TLN2: variants seen among roughly 807,000 people sequenced by gnomAD.
The protein encoded by TLN2 is talin 2, also known as talin-2.
A neutral mutation model predicts 294.7 loss-of-function variants in TLN2; 118 were observed. That is an observed-to-expected ratio of 0.40 (90% CI 0.34 to 0.47). TLN2 has a LOEUF of 0.47. Among genes scored for constraint, TLN2 ranks in the 20% least tolerant of loss-of-function variants. TLN2 has a pLI of 0.84. For missense variants in TLN2, 3,083 were observed against 3,282.2 expected (o/e 0.94, Z 1.48); for synonymous variants, 1,431 against 1,304.5 (o/e 1.10, Z -2.09).
intron 8 of TLN2, among the ~76,000 whole-genome samples, chr15:62,657,550 G>A (rs558584954): frequency 1.4e-4 from 22 of 152,228 alleles, no homozygotes; most frequent in African/African-American, 5.3e-4. Flanking sequence ...CACCTCTAAT[G>A]TTTTCCATCT....
At chr15:62,791,880 A>T (rs1206762097) in intron 45 of TLN2, among the ~76,000 whole-genome samples, 2 of 152,232 alleles carry the variant, frequency 1.3e-5, no homozygotes. Context: ...GGAATTTGTT[A>T]CACCTTAAAG....
At chr15:62,430,765 G>C (rs1379247135) in intron 1 of TLN2, among the ~76,000 whole-genome samples, 1 of 152,032 alleles carries the variant, frequency 6.6e-6, no homozygotes, top group African/African-American at 2.4e-5. Flanking sequence ...ACAGTAAGAT[G>C]GTTAGAGGGA....
intron 1 of TLN2, among the ~76,000 whole-genome samples, chr15:62,587,971 C>G (rs549897754): frequency 1.4e-4 from 21 of 152,132 alleles, no homozygotes; most frequent in African/African-American, 5.1e-4. Context: ...AGCTCCGCCT[C>G]CCGGGTTCAC....
chr15:62,486,919 C>T (rs751853201), intron 1 of TLN2, among the ~76,000 whole-genome samples: 7 of 151,726 alleles, frequency 4.6e-5, no homozygotes, highest in Non-Finnish European at 8.8e-5. Flanking sequence ...ACAGAGAGCT[C>T]ATAGTGAGGA....
At chr15:62,619,141 A>G (rs939530907) in intron 3 of TLN2, among the ~76,000 whole-genome samples, 6 of 152,094 alleles carry the variant, frequency 3.9e-5, no homozygotes, top group African/African-American at 1.4e-4. Flanking sequence ...GTTTTTTCTC[A>G]AAACAGTATA....
chr15:62,835,823 C>T (rs2069479752), intron 56 of TLN2, 24 bp downstream of exon 56: 2 of 1,614,112 alleles, frequency 1.2e-6, no homozygotes, highest in Admixed American at 1.7e-5. Flanking sequence ...TCCTTCCTCC[C>T]AGTTTGCTTT....
chr15:62,665,752 G>A (rs922311754), intron 9 of TLN2, among the ~76,000 whole-genome samples: 5 of 152,172 alleles, frequency 3.3e-5, no homozygotes, highest in Non-Finnish European at 4.4e-5. Context: ...CCAGTAGGAG[G>A]TCTTAAGCCA....
intron 1 of TLN2, among the ~76,000 whole-genome samples, chr15:62,450,539 ATGTATGTATGTGTGTG>A (rs1359241222): frequency 9.7e-5 from 6 of 62,140 alleles, no homozygotes; most frequent in Admixed American, 2.3e-4. Context: ...GTATGTATGT[ATGTATGTATGTGTGTG>A]TGTGTGTGTG....
intron 45 of TLN2, among the ~76,000 whole-genome samples, chr15:62,788,098 G>T (rs1482712095): frequency 5.3e-5 from 8 of 150,112 alleles, no homozygotes; most frequent in Admixed American, 5.3e-4. Flanking sequence ...ATCACTTGAG[G>T]CCAGGAGTTC....
chr15:62,814,728 T>G (rs1404007229), intron 52 of TLN2, among the ~76,000 whole-genome samples: 1 of 152,134 alleles, frequency 6.6e-6, no homozygotes, highest in East Asian at 1.9e-4. Flanking sequence ...TGGTGAAAAA[T>G]TATAGAAACC....
At chr15:62,657,345 G>A (rs2053341148) in intron 8 of TLN2, among the ~76,000 whole-genome samples, 1 of 152,064 alleles carries the variant, frequency 6.6e-6, no homozygotes, top group Non-Finnish European at 1.5e-5. Context: ...TTTTTATCTG[G>A]GGATGGGGGT....
intron 8 of TLN2, among the ~76,000 whole-genome samples, chr15:62,656,586 C>T (rs1299036445): frequency 6.6e-6 from 1 of 152,188 alleles, no homozygotes; most frequent in Non-Finnish European, 1.5e-5. Flanking sequence ...GTGGATTGCA[C>T]TAGATTGTCC....
intron 26 of TLN2, among the ~76,000 whole-genome samples, chr15:62,724,432 G>C (rs1419095785): frequency 1.3e-5 from 2 of 152,228 alleles, no homozygotes; most frequent in Non-Finnish European, 2.9e-5. Flanking sequence ...TTGGAGATCA[G>C]TGTTATACGT....
chr15:62,601,269 C>T (rs2046979412), intron 2 of TLN2, among the ~76,000 whole-genome samples: 1 of 152,172 alleles, frequency 6.6e-6, no homozygotes, highest in South Asian at 2.1e-4. Flanking sequence ...TGATACAACC[C>T]ATGGGATACC....
intron 1 of TLN2, among the ~76,000 whole-genome samples, chr15:62,568,795 A>T (rs1262573378): frequency 6.6e-6 from 1 of 152,156 alleles, no homozygotes; most frequent in African/African-American, 2.4e-5. Context: ...CAGCTGCTGG[A>T]AGAAGCACCT....
chr15:62,587,973 C>T lies in TLN2; in HGVS notation c.-237-1714C>T, dbSNP rs559346082. Among the ~76,000 whole-genome samples the T allele has an allele frequency of 1.5e-4, 23 of 152,172 alleles. No individual in the cohort carries two copies. The South Asian group carries it at 2.9e-3, about 19-fold the overall frequency. On this transcript the variant is annotated intron_variant, in intron 1 of 58. Coordinates refer to ENST00000636159, the MANE Select transcript of TLN2 (RefSeq NM_015059.3). ...TCGGCTCACTGCAAGCTCCGCCTCCCGGGTTCACACTATTCTCCTGCCTCA... is the reference window on the plus strand; with the variant it reads ...TCGGCTCACTGCAAGCTCCGCCTCCTGGGTTCACACTATTCTCCTGCCTCA...
At chr15:62,740,529 G>A (rs1484342084) in intron 31 of TLN2, 101 bp from the exon 32 acceptor site, 1 of 1,526,850 alleles carries the variant, frequency 6.5e-7, no homozygotes, top group African/African-American at 1.4e-5. Flanking sequence ...GATCTATACG[G>A]ATAACCTGCC....
At chr15:62,610,346 C>T (rs548305560) in intron 2 of TLN2, among the ~76,000 whole-genome samples, 77 of 152,292 alleles carry the variant, frequency 5.1e-4, no homozygotes, top group Middle Eastern at 3.4e-3. Flanking sequence ...ATTCTGGTCA[C>T]AAAATTTTTG....
chr15:62,624,623 T>C (rs1412266415), intron 3 of TLN2, among the ~76,000 whole-genome samples: 1 of 13,056 alleles, frequency 7.7e-5, no homozygotes, highest in Non-Finnish European at 2.8e-4. Flanking sequence ...TTGATGGTTT[T>C]CCTCTGCTTG....
Sources: allele counts gnomAD v4.1 joint callset (sites outside exome capture counted in the v4.1 genomes callset), GRCh38; gene constraint gnomAD v4.1.1; transcripts MANE v1.5; gene names NCBI Gene and HGNC (gene_info 2026-07-23, HGNC 2026-07-21).